Variants in NEK1 observed in about 807,000 individuals in gnomAD.
NEK1 encodes the protein serine/threonine-protein kinase Nek1.
In NEK1, 137 loss-of-function variants were observed where a neutral mutation model predicts 182.1. The observed-to-expected ratio is 0.75, with a 90% CI of 0.65 to 0.87. The LOEUF is 0.87. Among genes scored for constraint, NEK1 ranks in the 40% least tolerant of loss-of-function variants. NEK1 has a pLI of 0.00. For synonymous variants in NEK1, 513 were observed against 492.2 expected (o/e 1.04, Z -0.56); for missense variants, 1,391 against 1,494.4 (o/e 0.93, Z 1.14).
At chr4:169,427,915 C>T (rs1420803998) in intron 29 of NEK1, among the ~76,000 whole-genome samples, 1 of 151,998 alleles carries the variant, frequency 6.6e-6, no homozygotes, top group Non-Finnish European at 1.5e-5. Flanking sequence ...GCCTTGATCT[C>T]CTGTGCTCAT....
At chr4:169,489,457 G>A (rs986300148) in intron 23 of NEK1, among the ~76,000 whole-genome samples, 2 of 152,162 alleles carry the variant, frequency 1.3e-5, no homozygotes, top group Admixed American at 6.5e-5. Context: ...GAATAGCAAG[G>A]GAGTGGCAGA....
rs1352519295 is a variant in NEK1, at chr4:169,394,411, T to A, written c.*99A>T. On this transcript the variant is annotated 3_prime_UTR_variant, in exon 36 of 36. Transcript: ENST00000507142. ...AAAGTCCATCTTAAATCTGATTTTT[T>A]AAATAAATAATTGCTGTATTTCCCA... 5.4e-6 allele frequency: 4 copies of A among 736,566 alleles called. No homozygotes were observed. The highest frequency in any genetic ancestry group is 5.6e-5 in the East Asian group (2 of 35,482). The allele number at this position is 736,566 out of a possible 1,614,324, so 45.6% of individuals were successfully genotyped here.
intron 5 of NEK1, among the ~76,000 whole-genome samples, chr4:169,597,883 G>C (rs1348222895): frequency 6.6e-6 from 1 of 152,036 alleles, no homozygotes; most frequent in Admixed American, 6.6e-5. Context: ...GCAGTGAGTC[G>C]AGATTGTGCC....
At chr4:169,404,656 C>T (rs1732263638) in intron 32 of NEK1, among the ~76,000 whole-genome samples, 1 of 152,038 alleles carries the variant, frequency 6.6e-6, no homozygotes, top group Non-Finnish European at 1.5e-5. Flanking sequence ...ACCTTCTCAC[C>T]TTACTCTAGG....
intron 31 of NEK1, among the ~76,000 whole-genome samples, chr4:169,418,466 C>G (rs1009371706): frequency 6.6e-6 from 1 of 151,988 alleles, no homozygotes; most frequent in African/African-American, 2.4e-5. Context: ...GAAGAAGATA[C>G]AGAGATGATG....
At chr4:169,524,396 G>C (rs1010444463) in intron 19 of NEK1, among the ~76,000 whole-genome samples, 1 of 150,968 alleles carries the variant, frequency 6.6e-6, no homozygotes, top group African/African-American at 2.4e-5. Context: ...AGGAGGCGGA[G>C]GTTGCAGTGA....
chr4:169,524,892 C>G (rs1427003570), intron 19 of NEK1, among the ~76,000 whole-genome samples: 2 of 152,192 alleles, frequency 1.3e-5, no homozygotes, highest in African/African-American at 4.8e-5. Flanking sequence ...TTGTCTACAG[C>G]TGCTTTTGTG....
At chr4:169,396,478 A>C (rs1032268021) in intron 35 of NEK1, among the ~76,000 whole-genome samples, 1 of 150,828 alleles carries the variant, frequency 6.6e-6, no homozygotes, top group African/African-American at 2.4e-5. Context: ...CACTGGCCAC[A>C]GCTGTTATAC....
intron 27 of NEK1, among the ~76,000 whole-genome samples, chr4:169,440,950 C>T (rs1739332472): frequency 6.6e-6 from 1 of 152,204 alleles, no homozygotes; most frequent in Non-Finnish European, 1.5e-5. Context: ...CAACCTGCCC[C>T]AGGGCTCAAC....
intron 16 of NEK1, among the ~76,000 whole-genome samples, chr4:169,558,932 G>T (rs1762522354): frequency 6.6e-6 from 1 of 151,952 alleles, no homozygotes; most frequent in African/African-American, 2.4e-5. Context: ...ATATGATACT[G>T]AGCCTCCAGG....
intron 11 of NEK1, among the ~76,000 whole-genome samples, chr4:169,579,404 A>T (rs925645351): frequency 1.3e-5 from 2 of 152,170 alleles, no homozygotes; most frequent in African/African-American, 4.8e-5. Flanking sequence ...CTGCCCAGAG[A>T]AATCATGCTG....
At chr4:169,503,392 C>T (rs1423710218) in intron 23 of NEK1, among the ~76,000 whole-genome samples, 1 of 151,810 alleles carries the variant, frequency 6.6e-6, no homozygotes, top group African/African-American at 2.4e-5. Context: ...CATATAGAAC[C>T]ACAAAAGACC....
chr4:169,498,433 T>C (rs770347045), intron 23 of NEK1, among the ~76,000 whole-genome samples: 3 of 152,224 alleles, frequency 2.0e-5, no homozygotes, highest in African/African-American at 4.8e-5. Context: ...ATGTGTGAAT[T>C]TGATCCCTTC....
chr4:169,425,097 G>T (rs1736145031), intron 30 of NEK1, among the ~76,000 whole-genome samples: 1 of 152,122 alleles, frequency 6.6e-6, no homozygotes, highest in Admixed American at 6.6e-5. Context: ...CCCCTCAGGA[G>T]GCCAAAGTGG....
chr4:169,556,569 A>G (rs1193391317), intron 16 of NEK1, among the ~76,000 whole-genome samples: 1 of 152,146 alleles, frequency 6.6e-6, no homozygotes, highest in Admixed American at 6.6e-5. Context: ...AAACATTATT[A>G]AAACATGTTC....
At position 169,401,752 on chromosome 4, in the gene NEK1, C is replaced by T. The variant is rs1394667759; in HGVS notation, c.3483G>A (p.Leu1161=). The change falls in exon 33 of 36, where the codon TTG becomes TTA. Residue 1161 remains leucine (L), a synonymous_variant. Coordinates refer to ENST00000507142, the MANE Select transcript of NEK1 (RefSeq NM_001199397.3). ...EEYSEEEESV[L]KNSDVEPTAN... is the part of the protein sequence containing the mutation. ...CAGTTGGCTCCACATCACTGTTCTT[C>T]AAGACTGACTCTTCTTCTTCACTGT... 1 of 1,613,940 alleles carries T rather than the reference C, an allele frequency of 6.2e-7. No homozygotes were observed. Among genetic ancestry groups the T allele is most frequent in the Admixed American group, 1.7e-5 (1 of 60,018 alleles).
chr4:169,464,772 T>A (rs1437659902), intron 26 of NEK1, among the ~76,000 whole-genome samples: 1 of 152,124 alleles, frequency 6.6e-6, no homozygotes, highest in Non-Finnish European at 1.5e-5. Context: ...AAAATAAACA[T>A]ACATATGGAT....
intron 11 of NEK1, among the ~76,000 whole-genome samples, chr4:169,578,523 CA>C (rs755101639): frequency 1.3e-5 from 2 of 151,804 alleles, no homozygotes; most frequent in African/African-American, 4.8e-5. Flanking sequence ...CTCAGTTCTT[CA>C]AAAAAATGTA....
intron 18 of NEK1, among the ~76,000 whole-genome samples, chr4:169,550,877 T>C (rs1396048298): frequency 6.6e-6 from 1 of 152,218 alleles, no homozygotes; most frequent in Non-Finnish European, 1.5e-5. Flanking sequence ...TGACCCCAGG[T>C]TCATGAATGA....
Sources: gnomAD v4.1 joint callset for allele counts (sites outside exome capture counted in the v4.1 genomes callset) on GRCh38, gnomAD v4.1.1 for gene constraint, MANE v1.5 for transcripts, NCBI Gene and HGNC (gene_info 2026-07-23, HGNC 2026-07-21) for gene names.